SAXO1: variants seen among roughly 807,000 people sequenced by gnomAD.
The protein encoded by SAXO1 is stabilizer of axonemal microtubules 1, also known as 4930500O09Rik.
SAXO1 carries 21 observed loss-of-function variants against 17.5 expected under a neutral mutation model. That is an observed-to-expected ratio of 1.20 (90% confidence interval 0.85 to 1.72). The LOEUF (loss-of-function observed/expected upper bound fraction) is 1.72. SAXO1 is among the 40% of genes most tolerant of loss of function. SAXO1 has a pLI of 0.00. For missense variants in SAXO1, 843 were observed against 596.0 expected (o/e 1.41, Z -4.32); for synonymous variants, 274 against 216.5 (o/e 1.27, Z -2.33).
chr9:19,025,394 A>C (rs1293974782), intron 1 of SAXO1, among the ~76,000 whole-genome samples: 1 of 152,194 alleles, frequency 6.6e-6, no homozygotes, highest in African/African-American at 2.4e-5. Flanking sequence ...AATGTGTAAC[A>C]GAGACTCTAA....
rs532728144 is a variant in SAXO1 at position 18,943,668 on chromosome 9, C to G, written c.219-1829G>C. Among the ~76,000 whole-genome samples, 3 of 152,302 alleles carry G rather than the reference C, an allele frequency of 2.0e-5. No individual in the cohort carries two copies. In the South Asian group the frequency reaches 6.2e-4, roughly 32 times the overall value. ...GGACAGGTTTCAAGGCAGCCTGAGA[C>G]CACACATTCCTAAACCCTTATAAAA... On this transcript the variant is annotated intron_variant, in intron 2 of 3. Coordinates refer to ENST00000380534, the MANE Select transcript of SAXO1 (RefSeq NM_153707.4).
intron 2 of SAXO1, among the ~76,000 whole-genome samples, chr9:18,945,715 C>T (rs746217999): frequency 6.6e-6 from 1 of 152,178 alleles, no homozygotes; most frequent in Non-Finnish European, 1.5e-5. Flanking sequence ...TCCCTCAACT[C>T]CCACTAAGGC....
chr9:19,012,139 C>T (rs925938640), intron 1 of SAXO1, among the ~76,000 whole-genome samples: 4 of 152,044 alleles, frequency 2.6e-5, no homozygotes, highest in East Asian at 1.9e-4. Flanking sequence ...CCACCACGCC[C>T]GGCAAGGATA....
intron 1 of SAXO1, among the ~76,000 whole-genome samples, chr9:18,976,595 G>A (rs1020364353): frequency 6.7e-6 from 1 of 149,668 alleles, no homozygotes; most frequent in East Asian, 2.0e-4. Flanking sequence ...GGAAAGAGTG[G>A]CCTAAAGTGT....
intron 1 of SAXO1, among the ~76,000 whole-genome samples, chr9:18,980,302 G>A (rs7862894): frequency 1.2e-4 from 19 of 152,028 alleles, no homozygotes; most frequent in African/African-American, 4.6e-4. Flanking sequence ...TTGGGAGTGT[G>A]TGTTTAAGCA....
intron 1 of SAXO1, among the ~76,000 whole-genome samples, chr9:18,951,792 T>C (rs1404373189): frequency 6.6e-6 from 1 of 152,236 alleles, no homozygotes; most frequent in Admixed American, 6.5e-5. Flanking sequence ...ACACTGTACG[T>C]GTACACTGTA....
chr9:19,009,484 G>T (rs1197106868), intron 1 of SAXO1, among the ~76,000 whole-genome samples: 5 of 152,132 alleles, frequency 3.3e-5, no homozygotes, highest in East Asian at 1.9e-4. Flanking sequence ...GTTATAAGAC[G>T]TGGCAAAAAG....
intron 1 of SAXO1, among the ~76,000 whole-genome samples, chr9:18,985,985 G>T (rs1833577802): frequency 6.6e-6 from 1 of 152,124 alleles, no homozygotes; most frequent in South Asian, 2.1e-4. Context: ...ACTCCCTAGA[G>T]ACAGTAATCA....
chr9:18,994,407 T>G (rs1833926945), intron 1 of SAXO1, among the ~76,000 whole-genome samples: 3 of 152,214 alleles, frequency 2.0e-5, no homozygotes, highest in African/African-American at 7.2e-5. Flanking sequence ...TGGAAAGATT[T>G]AGGACTTTTG....
intron 1 of SAXO1, among the ~76,000 whole-genome samples, chr9:19,019,581 T>C (rs1255117219): frequency 6.6e-6 from 1 of 151,844 alleles, no homozygotes; most frequent in Non-Finnish European, 1.5e-5. Context: ...CTACAAAAAT[T>C]ACCCAGGCAT....
intron 3 of SAXO1, among the ~76,000 whole-genome samples, chr9:18,934,081 T>C (rs1247560767): frequency 2.0e-5 from 3 of 152,176 alleles, no homozygotes; most frequent in African/African-American, 7.2e-5. Flanking sequence ...AATGTCATTT[T>C]TCTATATGTG....
intron 2 of SAXO1, among the ~76,000 whole-genome samples, chr9:18,946,929 G>T (rs1184676157): frequency 6.6e-6 from 1 of 152,282 alleles, no homozygotes; most frequent in South Asian, 2.1e-4. Flanking sequence ...TTGAAACTAG[G>T]TTAATAGAAA....
rs143878017 is a variant in SAXO1, at chr9:18,938,908, T to C, written c.421+2729A>G. Among the ~76,000 whole-genome samples, 466 of 149,706 alleles carry C rather than the reference T, an allele frequency of 3.1e-3. 2 individuals carry two copies. The highest frequency in any genetic ancestry group is 0.011 in the African/African-American group (445 of 40,786). On this transcript the variant is annotated intron_variant, in intron 3 of 3. Transcript: ENST00000380534. ...CTGCTGGGGAGAAGTAGGGAGGACT[T>C]CTCTTTAAATGCTACATATAGACCT...
intron 1 of SAXO1, among the ~76,000 whole-genome samples, chr9:18,981,258 C>T (rs977115082): frequency 1.3e-5 from 2 of 152,234 alleles, no homozygotes; most frequent in Non-Finnish European, 2.9e-5. Context: ...CCCACCCCCA[C>T]TCTTAGTTAT....
In SAXO1 at chr9:18,928,639, C is replaced by T. The variant is rs1266809228; in HGVS notation, c.838G>A (p.Ala280Thr). 1.2e-6 allele frequency: 2 copies of T among 1,613,972 alleles called. No homozygotes were observed. Among genetic ancestry groups the T allele is most frequent in the Middle Eastern group, 1.6e-4 (1 of 6,084 alleles). ...GAGAACATCCGGGGCATTGGCCAAG[C>T]TTGGTACTTATCTCGAAACTCAGTG... ...NTTEFRDKYQ[A>T]WPMPRMFSKA... The change falls in exon 4 of 4, where the codon GCT becomes ACT. Residue 280 changes from alanine to threonine, a missense_variant. Ala to Thr is a moderately conservative substitution (Grantham distance 58). Transcript: ENST00000380534.
At chr9:19,043,513 T>C (rs1389312112) in intron 1 of SAXO1, among the ~76,000 whole-genome samples, 2 of 152,108 alleles carry the variant, frequency 1.3e-5, no homozygotes, top group African/African-American at 2.4e-5. Context: ...ACACCTGTAA[T>C]TGGAGCACTT....
At chr9:19,034,942 C>T (rs1306410732), upstream of SAXO1, among the ~76,000 whole-genome samples, 1 of 152,148 alleles carries the variant, frequency 6.6e-6, no homozygotes, top group East Asian at 1.9e-4. Flanking sequence ...TGGGTGGCCA[C>T]CTTGTCAACA....
In SAXO1 at chr9:18,928,867, C is replaced by A; in HGVS notation, c.610G>T (p.Val204Leu). ...PKLCNIPLED[V>L]TNYKMSYVAH... Reference sequence around the variant, plus strand: ...ACATAGCTCATCTTGTAGTTAGTCACATCCTCCAAGGGGATGTTACAGAGC... The same window carrying A: ...ACATAGCTCATCTTGTAGTTAGTCAAATCCTCCAAGGGGATGTTACAGAGC... Residue 204 changes from valine (V) to leucine (L), a missense_variant, in exon 4 of 4, where the codon GTG becomes TTG. Coordinates refer to ENST00000380534, the MANE Select transcript of SAXO1 (RefSeq NM_153707.4). 1 of 1,614,186 alleles carries A rather than the reference C, an allele frequency of 6.2e-7. No homozygotes were observed. The highest frequency in any genetic ancestry group is 8.5e-7 in the Non-Finnish European group (1 of 1,180,038).
intron 3 of SAXO1, among the ~76,000 whole-genome samples, chr9:18,933,458 A>G (rs915837511): frequency 6.6e-6 from 1 of 152,248 alleles, no homozygotes; most frequent in Non-Finnish European, 1.5e-5. Flanking sequence ...AGAAAAGTAT[A>G]TATTTACCTA....
Sources: allele counts gnomAD v4.1 joint callset (sites outside exome capture counted in the v4.1 genomes callset), GRCh38; gene constraint gnomAD v4.1.1; transcripts MANE v1.5; gene names NCBI Gene and HGNC (gene_info 2026-07-23, HGNC 2026-07-21).